SLC4A4: variants seen among roughly 807,000 people sequenced by gnomAD.
SLC4A4 encodes the protein electrogenic sodium bicarbonate cotransporter 1.
A neutral mutation model predicts 111.5 loss-of-function variants in SLC4A4; 27 were observed. The ratio of observed to expected loss-of-function variants is 0.24; its 90% CI spans 0.18 to 0.33. The LOEUF (loss-of-function observed/expected upper bound fraction) is 0.33, where lower values mean the gene tolerates loss of function less well. Among genes scored for constraint, SLC4A4 ranks in the 10% least tolerant of loss-of-function variants. SLC4A4 has a pLI of 1.00. For missense variants in SLC4A4, 909 were observed against 1,315.5 expected (o/e 0.69, Z 4.78); for synonymous variants, 443 against 463.4 (o/e 0.96, Z 0.57).
At chr4:71,536,931 C>T (rs148493299) in intron 18 of SLC4A4, among the ~76,000 whole-genome samples, 9 of 151,474 alleles carry the variant, frequency 5.9e-5, no homozygotes, top group East Asian at 2.0e-4. Flanking sequence ...ATAATATATA[C>T]ACACATATAT....
At chr4:71,520,008 T>C (rs983940844) in intron 16 of SLC4A4, among the ~76,000 whole-genome samples, 4 of 152,344 alleles carry the variant, frequency 2.6e-5, no homozygotes, top group Non-Finnish European at 5.9e-5. Context: ...GCTGACATTT[T>C]AAAATGTGGT....
At chr4:71,182,740 A>ACT (rs929860389), upstream of SLC4A4, among the ~76,000 whole-genome samples, 3 of 132,044 alleles carry the variant, frequency 2.3e-5, no homozygotes, top group African/African-American at 8.5e-5. Flanking sequence ...ACACACACAC[A>ACT]CACTCTCTCT....
At chr4:71,557,971 A>G (rs1468455292) in intron 22 of SLC4A4, 86 bp downstream of exon 22, 1 of 1,256,156 alleles carries the variant, frequency 8.0e-7, no homozygotes, top group Non-Finnish European at 1.2e-6. Context: ...CATGTCTTTT[A>G]TGTGTTGTTC....
intron 2 of SLC4A4, among the ~76,000 whole-genome samples, chr4:71,137,527 A>T (rs945063894): frequency 6.6e-6 from 1 of 152,164 alleles, no homozygotes; most frequent in Non-Finnish European, 1.5e-5. Context: ...TCCTTTAACC[A>T]CCCTCTCTTT....
chr4:71,141,788 A>G (rs1210766893), intron 2 of SLC4A4, among the ~76,000 whole-genome samples: 2 of 152,252 alleles, frequency 1.3e-5, no homozygotes, highest in Admixed American at 6.5e-5. Context: ...GGATGAATCA[A>G]TTCATTGATA....
chr4:71,233,678 C>T (rs1459317970), intron 1 of SLC4A4, among the ~76,000 whole-genome samples: 2 of 152,120 alleles, frequency 1.3e-5, no homozygotes, highest in Admixed American at 6.6e-5. Context: ...TCCGATGGCT[C>T]ATTTTTCATG....
chr4:71,401,087 G>A (rs1720315403), intron 7 of SLC4A4, among the ~76,000 whole-genome samples: 2 of 152,122 alleles, frequency 1.3e-5, no homozygotes, highest in African/African-American at 2.4e-5. Context: ...CAACTTCCTG[G>A]AGCTACCTAA....
chr4:71,222,303 A>AGTTAGTGAGAC (rs1157257671), intron 1 of SLC4A4, among the ~76,000 whole-genome samples: 1 of 152,156 alleles, frequency 6.6e-6, no homozygotes, highest in African/African-American at 2.4e-5. Context: ...GTTCTCTCAC[A>AGTTAGTGAGAC]TAACTGCAAG....
chr4:71,442,178 G>T (rs958953268), intron 8 of SLC4A4, among the ~76,000 whole-genome samples: 3 of 152,132 alleles, frequency 2.0e-5, no homozygotes, highest in Non-Finnish European at 4.4e-5. Context: ...TGCTTTAAAA[G>T]ACTTTTATTT....
intron 2 of SLC4A4, among the ~76,000 whole-genome samples, chr4:71,144,958 G>A (rs1347792344): frequency 2.0e-5 from 3 of 151,852 alleles, no homozygotes; most frequent in East Asian, 1.9e-4. Context: ...CTGCCTGATT[G>A]CCCTGGCCAG....
chr4:71,415,193 C>T (rs1721724362), intron 7 of SLC4A4, among the ~76,000 whole-genome samples: 1 of 152,168 alleles, frequency 6.6e-6, no homozygotes, highest in Admixed American at 6.5e-5. Flanking sequence ...TTATGGATAA[C>T]ATGTTTTTAA....
intron 2 of SLC4A4, among the ~76,000 whole-genome samples, chr4:71,156,586 G>GCACA (rs1553957328): frequency 2.4e-4 from 26 of 108,426 alleles, no homozygotes; most frequent in East Asian, 1.8e-3. Flanking sequence ...GCGCGCGCGC[G>GCACA]CGCACACACA....
intron 7 of SLC4A4, among the ~76,000 whole-genome samples, chr4:71,406,631 T>C (rs932089252): frequency 2.9e-5 from 4 of 139,934 alleles, no homozygotes; most frequent in African/African-American, 7.7e-5. Flanking sequence ...TGAACTGAAA[T>C]GAAAACAATG....
Position 71,125,322 on chromosome 4 carries a change from C to T in SLC4A4, c.-2+32530C>T, listed in dbSNP as rs1465218753. ...ATGCAACTATGACCGGGCCCAGTGG[C>T]TCATACCTGTAATCCTGATAGGGGC... On this transcript the variant is annotated intron_variant, in intron 2 of 26. Transcript: ENST00000649996. Among the ~76,000 whole-genome samples the T allele has an allele frequency of 2.0e-5, 3 of 152,204 alleles. No homozygotes were observed. In the East Asian group the frequency reaches 5.8e-4, roughly 29 times the overall value.
At chr4:71,564,178 CT>C (rs972502367) in intron 24 of SLC4A4, among the ~76,000 whole-genome samples, 6 of 150,262 alleles carry the variant, frequency 4.0e-5, no homozygotes, top group African/African-American at 1.2e-4. Context: ...ATTGATTTTT[CT>C]TTTTTTTTCT....
intron 3 of SLC4A4, among the ~76,000 whole-genome samples, chr4:71,310,361 C>A (rs1355507939): frequency 6.6e-6 from 1 of 152,150 alleles, no homozygotes; most frequent in Middle Eastern, 3.4e-3. Context: ...TCAAGAAGAG[C>A]AACCCCAAGA....
intron 1 of SLC4A4, among the ~76,000 whole-genome samples, chr4:71,195,848 A>G (rs1213519132): frequency 1.3e-5 from 2 of 152,248 alleles, no homozygotes; most frequent in Admixed American, 6.5e-5. Flanking sequence ...TAGCTCTTCC[A>G]TTTCTTGTGC....
intron 7 of SLC4A4, among the ~76,000 whole-genome samples, chr4:71,419,195 G>A (rs549529143): frequency 2.3e-4 from 35 of 152,296 alleles, no homozygotes; most frequent in African/African-American, 4.3e-4. Context: ...CTCCAGCTGC[G>A]TGCTGGGAGA....
intron 1 of SLC4A4, among the ~76,000 whole-genome samples, chr4:71,064,491 G>A (rs941179147): frequency 1.3e-5 from 2 of 152,168 alleles, no homozygotes; most frequent in Admixed American, 1.3e-4. Context: ...AATGAACAGA[G>A]AATTTGTTGA....
Sources: allele counts gnomAD v4.1 joint callset (sites outside exome capture counted in the v4.1 genomes callset), GRCh38; gene constraint gnomAD v4.1.1; transcripts MANE v1.5; gene names NCBI Gene and HGNC (gene_info 2026-07-23, HGNC 2026-07-21).